The following C17orf113 variants were observed in gnomAD, a reference collection of about 807,000 sequenced individuals.
C17orf113 encodes chromosome 17 open reading frame 113, also known as uncharacterized protein C17orf113.
Under a neutral mutation model 11.6 loss-of-function variants are expected in C17orf113, and 5 were observed. The observed-to-expected ratio is 0.43, with a 90% CI of 0.23 to 0.91. C17orf113 has a LOEUF of 0.91. Ranked by LOEUF, C17orf113 falls within the 40% of genes least tolerant of loss-of-function variation. The pLI is 0.26. For missense variants in C17orf113, 714 were observed against 841.3 expected, an observed-to-expected ratio of 0.85 and a Z score of 1.87; for synonymous variants, 327 against 390.6, an observed-to-expected ratio of 0.84 and a Z score of 1.92.
chr17:42,049,339 T>C (rs2053236883), intron 1 of C17orf113, among the ~76,000 whole-genome samples: 1 of 152,190 alleles, frequency 6.6e-6, no homozygotes, highest in African/African-American at 2.4e-5. Context: ...TCTATCTGTG[T>C]AGTTCTCTTG....
In C17orf113 at chr17:42,039,380, G is replaced by A. The variant is rs1220363010; in HGVS notation, c.*325C>T. The A allele has an allele frequency of 3.6e-6, 1 of 274,368 alleles. No homozygotes were observed. Among genetic ancestry groups the A allele is most frequent in the Non-Finnish European group, 6.8e-6 (1 of 147,748 alleles). 17.0% of individuals were successfully genotyped at this position (274,368 alleles called of 1,614,324 possible). A position where few individuals can be genotyped will look rare whatever the true frequency, so the allele number is the denominator to read the frequency against. On this transcript the variant is annotated 3_prime_UTR_variant, in exon 3 of 3. Coordinates refer to ENST00000587304, the MANE Select transcript of C17orf113 (RefSeq NM_001358661.2). The stretch of plus-strand genomic sequence containing the variant: ...CCAAGCCAAAAACTCCCATCTTTGG[G>A]GGGACCCAAACTTGCCCCGAGTCCA...
At position 42,043,004 on chromosome 17, in the gene C17orf113, C is replaced by T. The variant is rs1199604581; in HGVS notation, c.373G>A (p.Asp125Asn). Residue 125 changes from aspartate (D) to asparagine (N), a missense_variant, in exon 2 of 3, where the codon GAC becomes AAC. Around this residue, in one of 3 missense-constraint regions of C17orf113, gnomAD observed 516 missense variants for 626.6 expected, o/e 0.82. Coordinates refer to ENST00000587304, the MANE Select transcript of C17orf113 (RefSeq NM_001358661.2). ...GTCAGCACAGCCACTTTGGCCGGGT[C>T]TAACTCCACCTTGACGCCCCTGGAG... ...PASRGVKVEL[D>N]PAKVAVLTTV... The T allele has an allele frequency of 1.6e-6, 2 of 1,232,258 alleles. No individual in the cohort carries two copies. Among genetic ancestry groups the T allele is most frequent in the African/African-American group, 3.1e-5 (2 of 64,432 alleles). 76.3% of individuals were successfully genotyped at this position (1,232,258 alleles called of 1,614,324 possible).
Position 42,040,939 on chromosome 17 carries a change from T to C in C17orf113, c.794A>G (p.Lys265Arg). 8.1e-7 allele frequency: 1 copy of C among 1,232,156 alleles called. No homozygotes were observed. The highest frequency in any genetic ancestry group is 1.0e-6 in the Non-Finnish European group (1 of 987,978). The allele number at this position is 1,232,156 out of a possible 1,614,324, so 76.3% of individuals were successfully genotyped here. The change falls in exon 3 of 3, where the codon AAG becomes AGG. Residue 265 changes from lysine to arginine, a missense_variant. This residue lies in a region of C17orf113 where 516 missense variants were observed against 626.6 expected (regional missense o/e 0.82). Coordinates refer to ENST00000587304, the MANE Select transcript of C17orf113 (RefSeq NM_001358661.2). ...ILQAFGVSAP[K>R]LAWLSSSLPS... The stretch of plus-strand genomic sequence containing the variant: ...GAGGCTTGAGCTGAGCCAGGCCAGC[T>C]TGGGTGCAGATACGCCGAAAGCCTG...
At position 42,038,313 on chromosome 17, in the gene C17orf113, C is replaced by G; in HGVS notation, c.*1392G>C. 1.0e-5 allele frequency: 5 copies of G among 482,026 alleles called. No homozygotes were observed. The highest frequency in any genetic ancestry group is 2.8e-5 in the South Asian group (1 of 35,718). 29.9% of individuals were successfully genotyped at this position (482,026 alleles called of 1,614,324 possible). A position where few individuals can be genotyped will look rare whatever the true frequency, so the allele number is the denominator to read the frequency against. On this transcript the variant is annotated 3_prime_UTR_variant, in exon 3 of 3. Transcript: ENST00000587304. ...AAAAGGCTAGCCCTCGCCCCTCTCA[C>G]TCTCTAACTATCCTCCCTCCCTCCA...
rs988867008 is a variant in C17orf113, at chr17:42,039,382, G to T, written c.*323C>A. 1.1e-5 allele frequency: 3 copies of T among 276,602 alleles called. No individual in the cohort carries two copies. The highest frequency in any genetic ancestry group is 6.5e-5 in the African/African-American group (3 of 45,820). 17.1% of individuals were successfully genotyped at this position (276,602 alleles called of 1,614,324 possible). A position where few individuals can be genotyped will look rare whatever the true frequency, so the allele number is the denominator to read the frequency against. ...AAGCCAAAAACTCCCATCTTTGGGGGGACCCAAACTTGCCCCGAGTCCAGA... is the reference window on the plus strand; with the variant it reads ...AAGCCAAAAACTCCCATCTTTGGGGTGACCCAAACTTGCCCCGAGTCCAGA... On this transcript the variant is annotated 3_prime_UTR_variant, in exon 3 of 3. Transcript: ENST00000587304.
intron 2 of C17orf113, among the ~76,000 whole-genome samples, chr17:42,042,521 GA>G (rs1312998654): frequency 1.0e-3 from 143 of 137,446 alleles, no homozygotes; most frequent in African/African-American, 1.5e-3. Context: ...GATTCCTCAA[GA>G]AAAAAAAAAA....
Position 42,040,341 on chromosome 17 carries a change from G to A in C17orf113, c.1392C>T (p.Ala464=). ...LQELASMDPD[A]SSGRCTYRGV... ...CGCGGTAGGTGCAGCGTCCGCTGCT[G>A]GCGTCAGGGTCCATGGATGCCAGTT... The change falls in exon 3 of 3, where the codon GCC becomes GCT. Residue 464 remains alanine, a synonymous_variant. Coordinates refer to ENST00000587304, the MANE Select transcript of C17orf113 (RefSeq NM_001358661.2). 1 of 1,231,868 alleles carries A rather than the reference G, an allele frequency of 8.1e-7. No homozygotes were observed. Among genetic ancestry groups the A allele is most frequent in the Non-Finnish European group, 1.0e-6 (1 of 987,934 alleles). 76.3% of individuals were successfully genotyped at this position (1,231,868 alleles called of 1,614,324 possible). A position where few individuals can be genotyped will look rare whatever the true frequency, so the allele number is the denominator to read the frequency against.
In C17orf113 at chr17:42,038,444, A is replaced by C. The variant is rs2143618307; in HGVS notation, c.*1261T>G. 1.0e-5 allele frequency: 2 copies of C among 191,246 alleles called. No homozygotes were observed. The highest frequency in any genetic ancestry group is 2.4e-5 in the African/African-American group (1 of 42,518). The allele number at this position is 191,246 out of a possible 1,614,324, so 11.8% of individuals were successfully genotyped here. On this transcript the variant is annotated 3_prime_UTR_variant, in exon 3 of 3. Transcript: ENST00000587304. Reference sequence around the variant, plus strand: ...TGATGAGGCCTAAACTGCTTCCCCCAGGAGGTAAATAAGCCAACATTCCTG... The same window carrying C: ...TGATGAGGCCTAAACTGCTTCCCCCCGGAGGTAAATAAGCCAACATTCCTG...
At position 42,040,247 on chromosome 17, in the gene C17orf113, C is replaced by T; in HGVS notation, c.1486G>A (p.Asp496Asn). The change falls in exon 3 of 3, where the codon GAC (aspartate) becomes AAC (asparagine). Residue 496 changes from aspartate (D) to asparagine (N), a missense_variant. By Grantham distance (23) the Asp-to-Asn change is conservative (BLOSUM62 1). Transcript: ENST00000587304. ...TCCTGTAGGCCCTTCCGCATGGAGT[C>T]CAGGAAGGATCCCCGGAGCCACTCC... ...GLEWLRGSFL[D>N]SMRKGLQDSY... 8.1e-7 allele frequency: 1 copy of T among 1,231,606 alleles called. No homozygotes were observed. Among genetic ancestry groups the T allele is most frequent in the Non-Finnish European group, 1.0e-6 (1 of 987,870 alleles). 76.3% of individuals were successfully genotyped at this position (1,231,606 alleles called of 1,614,324 possible).
chr17:42,044,307 CAAAAAAAAAAAAAA>C (rs57246793), intron 1 of C17orf113, among the ~76,000 whole-genome samples: 1 of 70,548 alleles, frequency 1.4e-5, no homozygotes, highest in Non-Finnish European at 2.6e-5. Context: ...GACCCTGTCT[CAAAAAAAAAAAAAA>C]AAAAAAAAAA....
chr17:42,040,307 G>C lies in C17orf113; in HGVS notation c.1426C>G (p.Leu476Val). The C allele has an allele frequency of 4.9e-6, 6 of 1,231,730 alleles. No individual in the cohort carries two copies. Among genetic ancestry groups the C allele is most frequent in the Non-Finnish European group, 6.1e-6 (6 of 987,896 alleles). 76.3% of individuals were successfully genotyped at this position (1,231,730 alleles called of 1,614,324 possible). A position where few individuals can be genotyped will look rare whatever the true frequency, so the allele number is the denominator to read the frequency against. The change falls in exon 3 of 3, where the codon CTG becomes GTG. Residue 476 changes from leucine to valine, a missense_variant. By Grantham distance (32) the Leu-to-Val change is conservative. Transcript: ENST00000587304. ...SGRCTYRGVE[L>V]LGYSEAAVRG... ...ACCGCAGCCTCGGAGTAACCGAGCAGCTCCACGCCGCGGTAGGTGCAGCGT... is the reference window on the plus strand; with the variant it reads ...ACCGCAGCCTCGGAGTAACCGAGCACCTCCACGCCGCGGTAGGTGCAGCGT...
At chr17:42,042,250 G>A (rs564474310) in intron 2 of C17orf113, among the ~76,000 whole-genome samples, 9 of 152,058 alleles carry the variant, frequency 5.9e-5, no homozygotes, top group Admixed American at 3.3e-4. Context: ...GGCCAGGCGC[G>A]GTTGCTTACA....
rs2052985558 is a variant in C17orf113 at position 42,040,312 on chromosome 17, A to G, written c.1421T>C (p.Val474Ala). The G allele has an allele frequency of 1.6e-6, 2 of 1,231,700 alleles. No homozygotes were observed. 76.3% of individuals were successfully genotyped at this position (1,231,700 alleles called of 1,614,324 possible). A position where few individuals can be genotyped will look rare whatever the true frequency, so the allele number is the denominator to read the frequency against. ...ASSGRCTYRGVELLGYSEAAV... is the reference protein window; with the variant it reads ...ASSGRCTYRGAELLGYSEAAV... ...AGCCTCGGAGTAACCGAGCAGCTCC[A>G]CGCCGCGGTAGGTGCAGCGTCCGCT... The change falls in exon 3 of 3, where the codon GTG becomes GCG. Residue 474 changes from valine to alanine, a missense_variant. Physicochemically the swap from Val to Ala is moderately conservative, Grantham distance 64 (BLOSUM62 0). Transcript: ENST00000587304.
At chr17:42,045,343 G>A (rs573712904) in intron 1 of C17orf113, among the ~76,000 whole-genome samples, 7 of 152,262 alleles carry the variant, frequency 4.6e-5, no homozygotes, top group Middle Eastern at 3.2e-3. Context: ...GCGCCACCGC[G>A]CCTGGCCTTA....
In C17orf113 at chr17:42,040,154, G is replaced by A. The variant is rs1555655963; in HGVS notation, c.1579C>T (p.Pro527Ser). Residue 527 changes from proline (P) to serine (S), a missense_variant, in exon 3 of 3, where the codon CCG becomes TCG. Physicochemically the swap from Pro to Ser is moderately conservative, Grantham distance 74 (BLOSUM62 -1). Around this residue, in one of 3 missense-constraint regions of C17orf113, gnomAD observed 194 missense variants for 197.2 expected, o/e 0.98. Coordinates refer to ENST00000587304, the MANE Select transcript of C17orf113 (RefSeq NM_001358661.2). ...GTGCCCAGCTCCTCCGGCGCCTGCG[G>A]GTAGCGTCGGGGGTCGAAGATCGCT... ...FAAIFDPRRY[P>S]QAPEELGTHG... 5 of 1,231,430 alleles carry A rather than the reference G, an allele frequency of 4.1e-6. No homozygotes were observed. The highest frequency in any genetic ancestry group is 1.6e-5 in the African/African-American group (1 of 64,418). The allele number at this position is 1,231,430 out of a possible 1,614,324, so 76.3% of individuals were successfully genotyped here.
Position 42,040,256 on chromosome 17 carries a change from A to G in C17orf113, c.1477T>C (p.Ser493Pro). ...CCCTTCCGCATGGAGTCCAGGAAGG[A>G]TCCCCGGAGCCACTCCAAGCCCCGG... ...AVRGLEWLRG[S>P]FLDSMRKGLQ... The change falls in exon 3 of 3, where the codon TCC (serine) becomes CCC (proline). Residue 493 changes from serine to proline, a missense_variant. This residue lies in a region of C17orf113 where 516 missense variants were observed against 626.6 expected (regional missense o/e 0.82). Coordinates refer to ENST00000587304, the MANE Select transcript of C17orf113 (RefSeq NM_001358661.2). 1 of 1,231,582 alleles carries G rather than the reference A, an allele frequency of 8.1e-7. No individual in the cohort carries two copies. The highest frequency in any genetic ancestry group is 1.0e-6 in the Non-Finnish European group (1 of 987,856). 76.3% of individuals were successfully genotyped at this position (1,231,582 alleles called of 1,614,324 possible).
chr17:42,045,067 G>A (rs1555656504), intron 1 of C17orf113, among the ~76,000 whole-genome samples: 2 of 152,100 alleles, frequency 1.3e-5, no homozygotes, highest in Admixed American at 6.6e-5. Flanking sequence ...ACAGGCACCC[G>A]CCATCACGCC....
chr17:42,039,682 G>A lies in C17orf113; in HGVS notation c.*23C>T, dbSNP rs1392915175. 8.1e-7 allele frequency: 1 copy of A among 1,232,150 alleles called. No homozygotes were observed. Among genetic ancestry groups the A allele is most frequent in the South Asian group, 4.1e-5 (1 of 24,316 alleles). 76.3% of individuals were successfully genotyped at this position (1,232,150 alleles called of 1,614,324 possible). A position where few individuals can be genotyped will look rare whatever the true frequency, so the allele number is the denominator to read the frequency against. ...CAGTGCCCAGGGCCCCAGGCTGGAT[G>A]GGCCGAGGGAAGGAGGCCACCCTCA... On this transcript the variant is annotated 3_prime_UTR_variant, in exon 3 of 3. Transcript: ENST00000587304.
At chr17:42,042,645 T>A (rs1386771778) in intron 2 of C17orf113, among the ~76,000 whole-genome samples, 189 bp downstream of exon 2, 1 of 152,216 alleles carries the variant, frequency 6.6e-6, no homozygotes, top group Non-Finnish European at 1.5e-5. Context: ...GTCTGGCCTC[T>A]TCACTGTTGT....
Sources: gnomAD v4.1 joint callset for allele counts (sites outside exome capture counted in the v4.1 genomes callset) on GRCh38, gnomAD v4.1.1 for gene constraint, gnomAD v4.1.1 regional missense constraint, MANE v1.5 for transcripts, NCBI Gene and HGNC (gene_info 2026-07-23, HGNC 2026-07-21) for gene names.